The following SLC8A1 variants were observed in gnomAD, a reference collection of about 807,000 sequenced individuals.
SLC8A1 encodes solute carrier family 8 member A1.
A neutral mutation model predicts 68.3 loss-of-function variants in SLC8A1; 18 were observed. The ratio of observed to expected loss-of-function variants is 0.26; its 90% CI spans 0.18 to 0.39. The LOEUF is 0.39. Ranked by LOEUF, SLC8A1 falls within the 10% of genes least tolerant of loss-of-function variation. The probability of loss-of-function intolerance (pLI) is 1.00; values close to 1 mark genes in which losing one functional copy is unlikely to be tolerated. For synonymous variants in SLC8A1, 475 were observed against 415.5 expected (o/e 1.14, Z -1.74); for missense variants, 985 against 1,156.7 (o/e 0.85, Z 2.15).
At chr2:40,207,737 T>C (rs1445408318) in intron 2 of SLC8A1, among the ~76,000 whole-genome samples, 1 of 152,130 alleles carries the variant, frequency 6.6e-6, no homozygotes, top group African/African-American at 2.4e-5. Context: ...TCTGGAATAT[T>C]TGGTTTAACG....
chr2:40,249,273 C>T (rs1224891377), intron 2 of SLC8A1, among the ~76,000 whole-genome samples: 2 of 152,062 alleles, frequency 1.3e-5, no homozygotes, highest in African/African-American at 4.8e-5. Context: ...GGGTTTTGAT[C>T]TAGAAATGCC....
chr2:40,449,540 T>C (rs1702058387), intron 1 of SLC8A1, among the ~76,000 whole-genome samples: 1 of 152,222 alleles, frequency 6.6e-6, no homozygotes, highest in African/African-American at 2.4e-5. Context: ...TTACTGACTA[T>C]ACCTCACTTT....
At chr2:40,425,583 T>G (rs150244107) in intron 2 of SLC8A1, among the ~76,000 whole-genome samples, 2 of 151,946 alleles carry the variant, frequency 1.3e-5, no homozygotes, top group Non-Finnish European at 3.0e-5. Context: ...TTCAAAGTAC[T>G]TAATAAAGCT....
At chr2:40,197,187 T>C (rs774958607) in intron 2 of SLC8A1, among the ~76,000 whole-genome samples, 2 of 152,026 alleles carry the variant, frequency 1.3e-5, no homozygotes, top group Non-Finnish European at 2.9e-5. Context: ...GGGGGCCAGA[T>C]GAAATTATTT....
chr2:40,501,721 T>A (rs983774409), intron 1 of SLC8A1, among the ~76,000 whole-genome samples: 6 of 152,114 alleles, frequency 3.9e-5, no homozygotes, highest in African/African-American at 1.4e-4. Context: ...TGCTTCATCA[T>A]GTCCTTTTGG....
At chr2:40,470,528 G>C (rs2149902071) in intron 1 of SLC8A1, among the ~76,000 whole-genome samples, 1 of 151,952 alleles carries the variant, frequency 6.6e-6, no homozygotes, top group East Asian at 1.9e-4. Context: ...TGAACAGAAT[G>C]AAGTATTGAT....
At chr2:40,369,641 C>T (rs1052134719) in intron 2 of SLC8A1, among the ~76,000 whole-genome samples, 2 of 152,060 alleles carry the variant, frequency 1.3e-5, no homozygotes, top group African/African-American at 4.8e-5. Context: ...GTCTATCAGC[C>T]ATTTCAATAC....
chr2:40,398,135 A>G (rs1687574166), intron 2 of SLC8A1, among the ~76,000 whole-genome samples: 1 of 152,216 alleles, frequency 6.6e-6, no homozygotes, highest in Non-Finnish European at 1.5e-5. Context: ...ATATGGAGCC[A>G]CTTTTTCTTT....
exon 8 of SLC8A1, chr2:40,112,150 A>C (rs1211652635): frequency 6.5e-6 from 1 of 152,694 alleles, no homozygotes; most frequent in Non-Finnish European, 1.5e-5. Context: ...CAATAATACC[A>C]TTTTGGTTTT....
At chr2:40,273,236 TG>T (rs2066274053) in intron 2 of SLC8A1, among the ~76,000 whole-genome samples, 1 of 150,178 alleles carries the variant, frequency 6.7e-6, no homozygotes, top group African/African-American at 2.5e-5. Flanking sequence ...CCACCATGCC[TG>T]GCCCTCCAAA....
chr2:40,443,982 T>C (rs897779477), intron 1 of SLC8A1, among the ~76,000 whole-genome samples: 1 of 152,208 alleles, frequency 6.6e-6, no homozygotes, highest in South Asian at 2.1e-4. Context: ...TTATCTTCCA[T>C]GACCCATCTC....
intron 2 of SLC8A1, among the ~76,000 whole-genome samples, chr2:40,402,720 G>A (rs1689117129): frequency 3.3e-5 from 5 of 152,134 alleles, no homozygotes; most frequent in South Asian, 2.1e-4. Flanking sequence ...TCTTCACCAC[G>A]TCTTTCTGCA....
intron 1 of SLC8A1, among the ~76,000 whole-genome samples, chr2:40,466,650 G>A (rs1439504293): frequency 6.6e-6 from 1 of 152,110 alleles, no homozygotes; most frequent in Non-Finnish European, 1.5e-5. Flanking sequence ...GCTCTGTAAT[G>A]ACAGGAAATA....
rs772769419 is a variant in SLC8A1, at chr2:40,209,584, G to T, written c.1809-31729C>A. On this transcript the variant is annotated intron_variant, in intron 2 of 7. Coordinates refer to ENST00000406785, the Ensembl canonical transcript of SLC8A1. Reference sequence around the variant, plus strand: ...ACAGGATCACTCTAGCTACTCTGTGGAGAACAGATTGTAGAGATAAGGGTG... The same window carrying T: ...ACAGGATCACTCTAGCTACTCTGTGTAGAACAGATTGTAGAGATAAGGGTG... 1.2e-3 allele frequency among the ~76,000 whole-genome samples: 189 copies of T among 152,208 alleles called. No individual in the cohort carries two copies. In the Middle Eastern group the frequency reaches 0.024, roughly 19 times the overall value.
At chr2:40,278,835 A>G (rs1170885553) in intron 2 of SLC8A1, among the ~76,000 whole-genome samples, 1 of 152,222 alleles carries the variant, frequency 6.6e-6, no homozygotes, top group African/African-American at 2.4e-5. Flanking sequence ...AAACATGTAA[A>G]ATTTAAATCA....
At chr2:40,424,535 A>G (rs1001819147) in intron 2 of SLC8A1, among the ~76,000 whole-genome samples, 14 of 151,816 alleles carry the variant, frequency 9.2e-5, no homozygotes, top group African/African-American at 3.1e-4. Context: ...TCAGACAGCT[A>G]TATTGGTTAA....
chr2:40,196,381 T>C (rs2053022826), intron 2 of SLC8A1, among the ~76,000 whole-genome samples: 1 of 151,958 alleles, frequency 6.6e-6, no homozygotes, highest in African/African-American at 2.4e-5. Context: ...ACAAGGCTCA[T>C]TTCACCTTGA....
intron 2 of SLC8A1, among the ~76,000 whole-genome samples, chr2:40,309,940 C>A (rs1382305749): frequency 2.0e-5 from 3 of 152,076 alleles, no homozygotes; most frequent in Non-Finnish European, 4.4e-5. Context: ...TTGTATTCAG[C>A]CCCAAAAGAA....
chr2:40,337,406 A>G (rs1666318647), intron 2 of SLC8A1: 1 of 280,332 alleles, frequency 3.6e-6, no homozygotes, highest in Non-Finnish European at 8.0e-6. Context: ...CCTAAATTCT[A>G]TAAACTTTAA....
Sources: allele counts gnomAD v4.1 joint callset (sites outside exome capture counted in the v4.1 genomes callset), GRCh38; gene constraint gnomAD v4.1.1; transcripts MANE v1.5; gene names NCBI Gene and HGNC (gene_info 2026-07-23, HGNC 2026-07-21).